The following RGL1 variants were observed in gnomAD, a reference collection of about 807,000 sequenced individuals.
The protein encoded by RGL1 is ral guanine nucleotide dissociation stimulator-like 1.
A neutral mutation model predicts 95.2 loss-of-function variants in RGL1; 24 were observed. The observed-to-expected ratio is 0.25, with a 90% CI of 0.18 to 0.35. The LOEUF (loss-of-function observed/expected upper bound fraction) is 0.35. Ranked by LOEUF, RGL1 falls within the 10% of genes least tolerant of loss-of-function variation. RGL1 has a pLI of 1.00. For missense variants in RGL1, 715 were observed against 936.3 expected (o/e 0.76, Z 3.08); for synonymous variants, 329 against 344.9 (o/e 0.95, Z 0.51).
At chr1:183,794,553 G>A (rs768584690) in intron 2 of RGL1, among the ~76,000 whole-genome samples, 1 of 152,128 alleles carries the variant, frequency 6.6e-6, no homozygotes, top group Non-Finnish European at 1.5e-5. Flanking sequence ...TCACAAACAT[G>A]TATCAATAAA....
chr1:183,798,188 T>C (rs1006245843), intron 2 of RGL1, among the ~76,000 whole-genome samples: 1 of 152,166 alleles, frequency 6.6e-6, no homozygotes, highest in Non-Finnish European at 1.5e-5. Context: ...CATGGTATTA[T>C]TATTATTATT....
intron 2 of RGL1, among the ~76,000 whole-genome samples, chr1:183,819,522 C>T (rs542933432): frequency 4.8e-4 from 73 of 152,224 alleles, no homozygotes; most frequent in African/African-American, 1.7e-3. Flanking sequence ...TCACTTTAGG[C>T]AAAATGTAAA....
chr1:183,668,590 A>G (rs1160823876), intron 1 of RGL1, among the ~76,000 whole-genome samples: 1 of 152,176 alleles, frequency 6.6e-6, no homozygotes, highest in Non-Finnish European at 1.5e-5. Flanking sequence ...GGCATGAGCC[A>G]TGAGCCACCA....
chr1:183,775,258 T>G (rs1659530838), intron 2 of RGL1, among the ~76,000 whole-genome samples: 1 of 152,222 alleles, frequency 6.6e-6, no homozygotes, highest in South Asian at 2.1e-4. Context: ...ATGCTATTTC[T>G]TCTATATGCC....
At chr1:183,647,568 A>G (rs1444403989) in intron 1 of RGL1, 11 of 1,451,752 alleles carry the variant, frequency 7.6e-6, no homozygotes, top group Non-Finnish European at 1.0e-5. Context: ...CTTTTAGTGC[A>G]TCAGTTTATC....
Position 183,817,165 on chromosome 1 carries a change from C to T in RGL1, c.138+10680C>T, listed in dbSNP as rs905263961. Among the ~76,000 whole-genome samples, 73 of 152,268 alleles carry T rather than the reference C, an allele frequency of 4.8e-4. 1 individual carries two copies. Among genetic ancestry groups the T allele is most frequent in the African/African-American group, 1.7e-3 (69 of 41,540 alleles). ...TAACTTTTGGTCTGAAGCCAAATCCCGATGTAGGACTTGAACTCATGACCT... is the reference window on the plus strand; with the variant it reads ...TAACTTTTGGTCTGAAGCCAAATCCTGATGTAGGACTTGAACTCATGACCT... On this transcript the variant is annotated intron_variant, in intron 2 of 17. Transcript: ENST00000360851.
chr1:183,842,534 A>G (rs898754473), intron 2 of RGL1, among the ~76,000 whole-genome samples: 4 of 152,176 alleles, frequency 2.6e-5, no homozygotes, highest in Non-Finnish European at 5.9e-5. Flanking sequence ...ACAGTTTTAG[A>G]TATTTACCCC....
intron 2 of RGL1, among the ~76,000 whole-genome samples, chr1:183,797,650 TAAG>T (rs1173303490): frequency 6.6e-6 from 1 of 152,180 alleles, no homozygotes; most frequent in African/African-American, 2.4e-5. Context: ...GCTTACTGGT[TAAG>T]GAGTTTTCAG....
chr1:183,731,802 T>A (rs1290328870), intron 1 of RGL1, among the ~76,000 whole-genome samples: 1 of 152,160 alleles, frequency 6.6e-6, no homozygotes, highest in Non-Finnish European at 1.5e-5. Flanking sequence ...CTTGTGTATT[T>A]CTCTCTTCTA....
intron 1 of RGL1, among the ~76,000 whole-genome samples, chr1:183,660,505 T>C (rs1038416046): frequency 6.6e-6 from 1 of 151,372 alleles, no homozygotes; most frequent in African/African-American, 2.4e-5. Context: ...CAAGAAGAGC[T>C]AACTATCCTA....
intron 1 of RGL1, among the ~76,000 whole-genome samples, chr1:183,737,234 A>T (rs143568042): frequency 1.4e-4 from 22 of 152,298 alleles, no homozygotes; most frequent in Admixed American, 8.5e-4. Flanking sequence ...GTGTTCTTAG[A>T]TTGTTATTTT....
chr1:183,881,044 T>C (rs1224629055), intron 5 of RGL1, among the ~76,000 whole-genome samples: 1 of 152,176 alleles, frequency 6.6e-6, no homozygotes, highest in African/African-American at 2.4e-5. Context: ...ATTTTATGGA[T>C]GAGGAAACTG....
intron 2 of RGL1, among the ~76,000 whole-genome samples, chr1:183,756,974 A>T (rs983275332): frequency 1.0e-4 from 15 of 149,456 alleles, no homozygotes; most frequent in African/African-American, 3.7e-4. Context: ...TACTAAGGTG[A>T]TTCATTTGAC....
At chr1:183,790,674 C>T (rs181232662) in intron 2 of RGL1, among the ~76,000 whole-genome samples, 56 of 152,160 alleles carry the variant, frequency 3.7e-4, no homozygotes, top group African/African-American at 1.3e-3. Context: ...AGAGAAATTG[C>T]TTGGAACAAT....
intron 1 of RGL1, among the ~76,000 whole-genome samples, chr1:183,691,256 T>G (rs1653930213): frequency 6.6e-6 from 1 of 152,204 alleles, no homozygotes; most frequent in Admixed American, 6.5e-5. Context: ...GCTCAGTTTG[T>G]ATAGAAAACA....
chr1:183,729,724 A>ATGTC (rs1656518612), intron 1 of RGL1, among the ~76,000 whole-genome samples: 1 of 152,212 alleles, frequency 6.6e-6, no homozygotes. Context: ...AACAACACAA[A>ATGTC]TGTCCATCAG....
intron 1 of RGL1, among the ~76,000 whole-genome samples, chr1:183,740,686 CT>C (rs1030471009): frequency 1.3e-5 from 2 of 152,078 alleles, no homozygotes; most frequent in East Asian, 3.9e-4. Context: ...AGACTTATCC[CT>C]TTTTTGTGAA....
chr1:183,790,661 A>G (rs1443471526), intron 2 of RGL1, among the ~76,000 whole-genome samples: 6 of 152,316 alleles, frequency 3.9e-5, no homozygotes, highest in African/African-American at 1.2e-4. Flanking sequence ...AACAAGTTAT[A>G]AAAGAGAAAT....
intron 1 of RGL1, among the ~76,000 whole-genome samples, chr1:183,667,586 A>G (rs1652130304): frequency 6.6e-6 from 1 of 152,250 alleles, no homozygotes; most frequent in Admixed American, 6.5e-5. Flanking sequence ...TTGGCCTCCC[A>G]AAGTGCTGGG....
Sources: allele counts gnomAD v4.1 joint callset (sites outside exome capture counted in the v4.1 genomes callset), GRCh38; gene constraint gnomAD v4.1.1; transcripts MANE v1.5; gene names NCBI Gene and HGNC (gene_info 2026-07-23, HGNC 2026-07-21).